ANK2: variants seen among roughly 807,000 people sequenced by gnomAD.
ANK2 encodes ankyrin 2.
Under a neutral mutation model 360.5 loss-of-function variants are expected in ANK2, and 83 were observed. The observed-to-expected ratio is 0.23, with a 90% CI of 0.19 to 0.28. The LOEUF is 0.28. Among genes scored for constraint, ANK2 ranks in the 10% least tolerant of loss-of-function variants. The probability of loss-of-function intolerance (pLI) is 1.00; values close to 1 mark genes in which losing one functional copy is unlikely to be tolerated. For missense variants in ANK2, 4,201 were observed against 4,795.7 expected (o/e 0.88, Z 3.66); for synonymous variants, 1,740 against 1,759.5 (o/e 0.99, Z 0.28).
intron 2 of ANK2, among the ~76,000 whole-genome samples, chr4:112,905,560 C>G (rs1005553766): frequency 3.9e-5 from 6 of 152,146 alleles, no homozygotes; most frequent in Non-Finnish European, 8.8e-5. Flanking sequence ...CATACATTTT[C>G]TATACTTCAT....
chr4:112,927,128 A>G (rs2092661018), intron 2 of ANK2, among the ~76,000 whole-genome samples: 1 of 152,144 alleles, frequency 6.6e-6, no homozygotes, highest in Admixed American at 6.5e-5. Flanking sequence ...AAATATCTCC[A>G]CCTGGTCCCA....
chr4:112,820,544 A>G (rs1479528406), intron 1 of ANK2, among the ~76,000 whole-genome samples: 1 of 152,190 alleles, frequency 6.6e-6, no homozygotes, highest in African/African-American at 2.4e-5. Context: ...GCATAGTAAA[A>G]TGACTGTAAT....
chr4:113,360,655 C>T (rs776181759), intron 38 of ANK2, among the ~76,000 whole-genome samples, 168 bp from the exon 39 acceptor site: 1 of 152,072 alleles, frequency 6.6e-6, no homozygotes, highest in Non-Finnish European at 1.5e-5. Context: ...TAGATCTATT[C>T]CCCATTCCAC....
chr4:113,089,763 G>T (rs537670842), intron 1 of ANK2, among the ~76,000 whole-genome samples: 212 of 152,248 alleles, frequency 1.4e-3, no homozygotes, highest in Non-Finnish European at 2.8e-3. Context: ...GGCGGAAATT[G>T]CAGTGAGCCG....
chr4:112,826,452 G>A (rs17045022), intron 1 of ANK2: 57,898 of 1,055,006 alleles, frequency 0.055, 2,295 homozygotes, highest in African/African-American at 0.17. Flanking sequence ...TTCAGGTGCA[G>A]CTATTTGTCT....
chr4:113,305,306 C>T (rs1263178936), intron 23 of ANK2, among the ~76,000 whole-genome samples: 4 of 134,478 alleles, frequency 3.0e-5, no homozygotes, highest in Non-Finnish European at 6.1e-5. Context: ...CGCCACTGCA[C>T]TCCAGCCTGG....
At chr4:113,072,822 G>T (rs576298284) in intron 1 of ANK2, among the ~76,000 whole-genome samples, 2 of 132,998 alleles carry the variant, frequency 1.5e-5, no homozygotes, top group South Asian at 4.8e-4. Flanking sequence ...TGTTTATTGG[G>T]TGCTATAATT....
chr4:113,022,201 C>T (rs937174280), intron 2 of ANK2, among the ~76,000 whole-genome samples: 14 of 152,050 alleles, frequency 9.2e-5, no homozygotes, highest in Admixed American at 3.9e-4. Flanking sequence ...AAATAAATGT[C>T]GAGACTAGTA....
chr4:113,108,069 TCCAGTCAAGA>T lies in ANK2; in HGVS notation c.84+58260_84+58269del, dbSNP rs572177456. ...ACATTCGTTTACCAATGATCTGATG[TCCAGTCAAGA>T]CCTTTTATTTAAGTATATTTTATTT... On this transcript the variant is annotated intron_variant, in intron 1 of 45. Coordinates refer to ENST00000357077, the MANE Select transcript of ANK2 (RefSeq NM_001148.6). 3.2e-3 allele frequency among the ~76,000 whole-genome samples: 490 copies of T among 152,342 alleles called. 6 individuals are homozygous for T. The highest frequency in any genetic ancestry group is 0.011 in the African/African-American group (470 of 41,582).
the ANK2 span, chr4:112,797,760 T>A: frequency 6.0e-6 from 1 of 167,328 alleles, no homozygotes; most frequent in African/African-American, 2.4e-5. Context: ...ACTTCAAGAT[T>A]GTATTTCAGC....
At chr4:113,008,092 A>G (rs1318464627) in intron 2 of ANK2, among the ~76,000 whole-genome samples, 8 of 142,966 alleles carry the variant, frequency 5.6e-5, no homozygotes. Flanking sequence ...CTACACCATT[A>G]ACTTATTAAG....
At chr4:112,969,304 C>T (rs780657971) in intron 2 of ANK2, among the ~76,000 whole-genome samples, 39 of 152,290 alleles carry the variant, frequency 2.6e-4, no homozygotes, top group Non-Finnish European at 1.0e-4. Flanking sequence ...TGCAACATCT[C>T]GTTTCTCTTG....
intron 2 of ANK2, among the ~76,000 whole-genome samples, chr4:113,008,953 A>G (rs2053832657): frequency 6.6e-6 from 1 of 152,314 alleles, no homozygotes; most frequent in African/African-American, 2.4e-5. Context: ...GCTGCTGATC[A>G]GCTGCTTCAC....
intron 23 of ANK2, among the ~76,000 whole-genome samples, chr4:113,310,333 G>A (rs2079258583): frequency 6.6e-6 from 1 of 152,194 alleles, no homozygotes; most frequent in East Asian, 1.9e-4. Context: ...CAGGATGCTC[G>A]AACCTAAGTA....
intron 1 of ANK2, chr4:112,826,437 GA>G: frequency 1.9e-6 from 2 of 1,053,874 alleles, no homozygotes; most frequent in Non-Finnish European, 2.9e-6. Flanking sequence ...AACTTTTGAA[GA>G]ATCTTCAGGT....
chr4:113,301,786 T>C (rs1469874299), intron 22 of ANK2, among the ~76,000 whole-genome samples: 1 of 152,218 alleles, frequency 6.6e-6, no homozygotes, highest in Admixed American at 6.5e-5. Context: ...TGGTATGTCT[T>C]GTGTCTAAAA....
chr4:113,348,885 T>C (rs1295436281), intron 36 of ANK2, among the ~76,000 whole-genome samples: 1 of 152,160 alleles, frequency 6.6e-6, no homozygotes, highest in East Asian at 1.9e-4. Flanking sequence ...CGGAAGTTTT[T>C]CAGGCTCCTC....
chr4:113,357,450 C>T lies in ANK2; in HGVS notation c.8832C>T (p.Thr2944=). ...TTTTCTCTAGTGAAGAAAGCAAAAC[C>T]CAAACAGATGCAAATCACACCACAA... The part of the protein sequence containing the change: ...QSFFSSEESK[T]QTDANHTTSF... The change falls in exon 38 of 46, where the codon ACC becomes ACT. Residue 2944 remains threonine, a synonymous_variant. Coordinates refer to ENST00000357077, the MANE Select transcript of ANK2 (RefSeq NM_001148.6). 6.2e-7 allele frequency: 1 copy of T among 1,614,046 alleles called. No homozygotes were observed. Among genetic ancestry groups the T allele is most frequent in the Non-Finnish European group, 8.5e-7 (1 of 1,179,974 alleles).
At chr4:113,163,060 T>C (rs1355356360) in intron 1 of ANK2, among the ~76,000 whole-genome samples, 1 of 152,216 alleles carries the variant, frequency 6.6e-6, no homozygotes, top group Non-Finnish European at 1.5e-5. Context: ...TCAAGTCAAC[T>C]CAGTGAGTTA....
Sources: allele counts gnomAD v4.1 joint callset (sites outside exome capture counted in the v4.1 genomes callset), GRCh38; gene constraint gnomAD v4.1.1; transcripts MANE v1.5; gene names NCBI Gene and HGNC (gene_info 2026-07-23, HGNC 2026-07-21).